The following GRK2 variants were observed in gnomAD, a reference collection of about 807,000 sequenced individuals.
The protein encoded by GRK2 is G protein-coupled receptor kinase 2, also known as adrenergic beta receptor kinase 1.
GRK2 carries 23 observed loss-of-function variants against 97.8 expected under a neutral mutation model. The observed-to-expected ratio is 0.24, with a 90% confidence interval of 0.17 to 0.33. The LOEUF is 0.33. GRK2 is among the 10% of genes least tolerant of loss of function. The probability of loss-of-function intolerance (pLI) is 1.00; values close to 1 mark genes in which losing one functional copy is unlikely to be tolerated. For synonymous variants in GRK2, 425 were observed against 381.7 expected (o/e 1.11, Z -1.32); for missense variants, 633 against 956.9 (o/e 0.66, Z 4.47).
At position 67,273,697 on chromosome 11, in the gene GRK2, AAAC is replaced by A. The variant is rs1238423247; in HGVS notation, c.114-3573_114-3571del. On this transcript the variant is annotated intron_variant, in intron 1 of 20. Coordinates refer to ENST00000308595, the MANE Select transcript of GRK2 (RefSeq NM_001619.5). ...AGGGGGGTTGTTTATTTTATTTAAA[AAAC>A]ATTTTTTTCTTTTTAAGGAAGAAAG... is the stretch of plus-strand genomic sequence containing the variant. 2.6e-5 allele frequency among the ~76,000 whole-genome samples: 4 copies of A among 152,316 alleles called. No individual in the cohort carries two copies. The East Asian group carries it at 7.7e-4, about 29-fold the overall frequency.
rs765446129 is a variant in GRK2, at chr11:67,286,427, C to T, written c.*977C>T. The T allele has an allele frequency of 2.9e-6, 2 of 699,810 alleles. No individual in the cohort carries two copies. Among genetic ancestry groups the T allele is most frequent in the South Asian group, 1.5e-5 (1 of 67,366 alleles). 43.4% of individuals were successfully genotyped at this position (699,810 alleles called of 1,614,324 possible). ...CTGTGTGGTGTCGCGCCTTCTCCCCCCCGGGGCTGGGTTGGCGCACCCTCC... is the reference window on the plus strand; with the variant it reads ...CTGTGTGGTGTCGCGCCTTCTCCCCTCCGGGGCTGGGTTGGCGCACCCTCC... On this transcript the variant is annotated 3_prime_UTR_variant, in exon 21 of 21. Coordinates refer to ENST00000308595, the MANE Select transcript of GRK2 (RefSeq NM_001619.5).
rs377194190 is a variant in GRK2 at position 67,281,226 on chromosome 11, G to A, written c.647+42G>A. 2.2e-5 allele frequency: 34 copies of A among 1,545,794 alleles called. No homozygotes were observed. The highest frequency in any genetic ancestry group is 1.4e-4 in the African/African-American group (10 of 73,474). ...GCGCGGTGGGATACCTCGGGGAGCC[G>A]GGCTCCTGGGGGACCCTGACAGGCC... On this transcript the variant is annotated intron_variant, in intron 8 of 20. Coordinates refer to ENST00000308595, the MANE Select transcript of GRK2 (RefSeq NM_001619.5). This position sits in a 1 kb window ranked among gnomAD's most constrained non-coding sequence, Gnocchi z 5.7.
rs1179406932 is a variant in GRK2 at position 67,282,033 on chromosome 11, AG to A, written c.957+83del. ...TCGACATCCCGGCCACCAGGCCCAGAGGAGTGGGGCTCCTGGGACATGGCCG... is the reference window on the plus strand; with the variant it reads ...TCGACATCCCGGCCACCAGGCCCAGAGAGTGGGGCTCCTGGGACATGGCCG... On this transcript the variant is annotated intron_variant, in intron 11 of 20. Coordinates refer to ENST00000308595, the MANE Select transcript of GRK2 (RefSeq NM_001619.5). The surrounding 1 kb of genome is among the most constrained non-coding windows in gnomAD (Gnocchi z 6.9). The A allele has an allele frequency of 1.3e-6, 2 of 1,577,874 alleles. No homozygotes were observed. Among genetic ancestry groups the A allele is most frequent in the Non-Finnish European group, 1.7e-6 (2 of 1,155,052 alleles).
Position 67,285,584 on chromosome 11 carries a change from C to CG in GRK2, c.*137dup. ...TGGCCCCAGCCTGGCCCAGCTCCCC[C>CG]GGGAGGGGCCCGCTTGCCTCGGCTC... On this transcript the variant is annotated 3_prime_UTR_variant, in exon 21 of 21. Transcript: ENST00000308595. 2 of 1,188,458 alleles carry CG rather than the reference C, an allele frequency of 1.7e-6. No homozygotes were observed. Among genetic ancestry groups the CG allele is most frequent in the South Asian group, 1.7e-5 (1 of 59,014 alleles). 73.6% of individuals were successfully genotyped at this position (1,188,458 alleles called of 1,614,324 possible).
In GRK2 at chr11:67,281,916, C is replaced by T. The variant is rs773210167; in HGVS notation, c.921C>T (p.His307=). 1.9e-6 allele frequency: 3 copies of T among 1,613,422 alleles called. No homozygotes were observed. The highest frequency in any genetic ancestry group is 1.7e-5 in the Admixed American group (1 of 60,020). ...YAAEIILGLE[H]MHNRFVVYRD... ...CCGAGATCATCCTGGGCCTGGAGCA[C>T]ATGCACAACCGCTTCGTGGTCTACC... Residue 307 remains histidine, a synonymous_variant, in exon 11 of 21, where the codon CAC becomes CAT. Transcript: ENST00000308595. The surrounding 1 kb of genome is among the most constrained non-coding windows in gnomAD (Gnocchi z 5.7).
At position 67,284,879 on chromosome 11, in the gene GRK2, G is replaced by A. The variant is rs1421145445; in HGVS notation, c.1687G>A (p.Gly563Ser). Reference sequence around the variant, plus strand: ...CCTGGGCAAGGACTGCATCATGCATGGCTACATGTCCAAGATGGGCAACCC... The same window carrying A: ...CCTGGGCAAGGACTGCATCATGCATAGCTACATGTCCAAGATGGGCAACCC... ...YALGKDCIMHGYMSKMGNPFL... is the reference protein window; with the variant it reads ...YALGKDCIMHSYMSKMGNPFL... The change falls in exon 19 of 21, where the codon GGC becomes AGC. Residue 563 changes from glycine to serine, a missense_variant. Physicochemically the swap from Gly to Ser is moderately conservative, Grantham distance 56. Transcript: ENST00000308595. 1 of 1,613,420 alleles carries A rather than the reference G, an allele frequency of 6.2e-7. No homozygotes were observed.
At position 67,285,171 on chromosome 11, in the gene GRK2, T is replaced by G. The variant is rs1860246654; in HGVS notation, c.1888T>G (p.Phe630Val). 6.2e-7 allele frequency: 1 copy of G among 1,613,378 alleles called. No homozygotes were observed. The highest frequency in any genetic ancestry group is 1.3e-5 in the African/African-American group (1 of 74,922). ...CCTCAAGATCCGCGGTGGGAAACAG[T>G]TCATTTTGCAGTGCGATGTGAGTGG... ...LLLKIRGGKQ[F>V]ILQCDSDPEL... is the part of the protein sequence containing the mutation. The change falls in exon 20 of 21, where the codon TTC becomes GTC. Residue 630 changes from phenylalanine to valine, a missense_variant. Around this residue, in one of 4 missense-constraint regions of GRK2, gnomAD observed 180 missense variants for 311.3 expected, o/e 0.58. Transcript: ENST00000308595.
chr11:67,281,226 G>C lies in GRK2; in HGVS notation c.647+42G>C. Reference sequence around the variant, plus strand: ...GCGCGGTGGGATACCTCGGGGAGCCGGGCTCCTGGGGGACCCTGACAGGCC... The same window carrying C: ...GCGCGGTGGGATACCTCGGGGAGCCCGGCTCCTGGGGGACCCTGACAGGCC... On this transcript the variant is annotated intron_variant, in intron 8 of 20. Coordinates refer to ENST00000308595, the MANE Select transcript of GRK2 (RefSeq NM_001619.5). The surrounding 1 kb of genome is among the most constrained non-coding windows in gnomAD (Gnocchi z 5.7). 6.5e-7 allele frequency: 1 copy of C among 1,545,792 alleles called. No homozygotes were observed. Among genetic ancestry groups the C allele is most frequent in the Non-Finnish European group, 8.9e-7 (1 of 1,125,848 alleles).
chr11:67,281,272 T>TG lies in GRK2; in HGVS notation c.647+89dup. ...AGGCCGGGTTCCACACAGGGCCACCTGCTGCTCCATGCACTCCTGTCTTGC... is the reference window on the plus strand; with the variant it reads ...AGGCCGGGTTCCACACAGGGCCACCTGGCTGCTCCATGCACTCCTGTCTTGC... On this transcript the variant is annotated intron_variant, in intron 8 of 20. Coordinates refer to ENST00000308595, the MANE Select transcript of GRK2 (RefSeq NM_001619.5). The surrounding 1 kb of genome is among the most constrained non-coding windows in gnomAD (Gnocchi z 5.7). 1 of 1,212,114 alleles carries TG rather than the reference T, an allele frequency of 8.3e-7. No individual in the cohort carries two copies. The highest frequency in any genetic ancestry group is 1.9e-5 in the Admixed American group (1 of 52,270). 75.1% of individuals were successfully genotyped at this position (1,212,114 alleles called of 1,614,324 possible). A position where few individuals can be genotyped will look rare whatever the true frequency, so the allele number is the denominator to read the frequency against.
Position 67,277,302 on chromosome 11 carries a change from G to A in GRK2, c.144G>A (p.Glu48=), listed in dbSNP as rs749436069. 2 of 1,613,768 alleles carry A rather than the reference G, an allele frequency of 1.2e-6. No individual in the cohort carries two copies. Among genetic ancestry groups the A allele is most frequent in the African/African-American group, 1.3e-5 (1 of 75,056 alleles). ...GCAGTGTCATGCAGAAGTACCTGGA[G>A]GACCGGGGCGAGGTGACCTTTGAGA... is the stretch of plus-strand genomic sequence containing the variant. ...SIRSVMQKYL[E]DRGEVTFEKI... is the part of the protein sequence containing the mutation. Residue 48 remains glutamate (E), a synonymous_variant, in exon 2 of 21, where the codon GAG becomes GAA. Coordinates refer to ENST00000308595, the MANE Select transcript of GRK2 (RefSeq NM_001619.5).
In GRK2 at chr11:67,269,658, G is replaced by A. The variant is rs1377652080; in HGVS notation, c.113+2846G>A. Among the ~76,000 whole-genome samples the A allele has an allele frequency of 6.6e-6, 1 of 152,234 alleles. No individual in the cohort carries two copies. Among genetic ancestry groups the A allele is most frequent in the African/African-American group, 2.4e-5 (1 of 41,462 alleles). On this transcript the variant is annotated intron_variant, in intron 1 of 20. Coordinates refer to ENST00000308595, the MANE Select transcript of GRK2 (RefSeq NM_001619.5). This position sits in a 1 kb window ranked among gnomAD's most constrained non-coding sequence, Gnocchi z 4.1. ...CACTCCAGGGTCCCGTCAGATGCAG[G>A]AGCCTGTCTTCCCCATACCCACAAG...
intron 1 of GRK2, among the ~76,000 whole-genome samples, chr11:67,274,308 G>A (rs964352813): frequency 5.9e-5 from 9 of 151,722 alleles, no homozygotes; most frequent in South Asian, 4.2e-4. Context: ...ACCGCGTCCC[G>A]CCAAGCTGGC....
chr11:67,281,191 A>T lies in GRK2; in HGVS notation c.647+7A>T. Reference sequence around the variant, plus strand: ...AGGCTGACACAGGCAAGATGTGAGCACCCTGCTCGGCGCGGTGGGATACCT... The same window carrying T: ...AGGCTGACACAGGCAAGATGTGAGCTCCCTGCTCGGCGCGGTGGGATACCT... On this transcript the variant is annotated splice_region_variant and intron_variant, in intron 8 of 20. Transcript: ENST00000308595. This position sits in a 1 kb window ranked among gnomAD's most constrained non-coding sequence, Gnocchi z 5.7. 6.2e-7 allele frequency: 1 copy of T among 1,610,562 alleles called. No individual in the cohort carries two copies. The highest frequency in any genetic ancestry group is 1.3e-5 in the African/African-American group (1 of 74,848).
chr11:67,270,444 C>T lies in GRK2; in HGVS notation c.113+3632C>T, dbSNP rs575704959. 9.2e-5 allele frequency among the ~76,000 whole-genome samples: 14 copies of T among 152,212 alleles called. No individual in the cohort carries two copies. In the South Asian group the frequency reaches 1.5e-3, roughly 16 times the overall value. ...CCCCTTTCTGGCTTCCCTGTCTCCCCAGACCCTGCCCCTGTTCCTCCGCTG... is the reference window on the plus strand; with the variant it reads ...CCCCTTTCTGGCTTCCCTGTCTCCCTAGACCCTGCCCCTGTTCCTCCGCTG... On this transcript the variant is annotated intron_variant, in intron 1 of 20. Transcript: ENST00000308595.
At chr11:67,273,571 C>G (rs1379535966) in intron 1 of GRK2, among the ~76,000 whole-genome samples, 1 of 152,220 alleles carries the variant, frequency 6.6e-6, no homozygotes, top group Non-Finnish European at 1.5e-5. Flanking sequence ...CGGCCAGACC[C>G]ATGGGAATAG....
intron 1 of GRK2, among the ~76,000 whole-genome samples, chr11:67,275,220 G>C (rs1554966793): frequency 6.6e-6 from 1 of 152,208 alleles, no homozygotes; most frequent in Non-Finnish European, 1.5e-5. Context: ...CGAGGCCCGG[G>C]AGTCCACTGC....
rs565234503 is a variant in GRK2 at position 67,277,399 on chromosome 11, A to G, written c.190+51A>G. ...CCACCGGACTTAACTTCTTGCCCCT[A>G]CCCCAGCCAGCCCAGCTGTGCTCCC... On this transcript the variant is annotated intron_variant, in intron 2 of 20. Coordinates refer to ENST00000308595, the MANE Select transcript of GRK2 (RefSeq NM_001619.5). The G allele has an allele frequency of 3.9e-6, 6 of 1,537,420 alleles. No individual in the cohort carries two copies. The Admixed American group carries it at 5.0e-5, about 13-fold the overall frequency.
intron 1 of GRK2, among the ~76,000 whole-genome samples, chr11:67,271,669 C>T (rs1859910418): frequency 6.6e-6 from 1 of 152,246 alleles, no homozygotes; most frequent in Non-Finnish European, 1.5e-5. Flanking sequence ...TGCTTTGTGG[C>T]CGACACGACG....
intron 1 of GRK2, among the ~76,000 whole-genome samples, chr11:67,273,881 G>C (rs1405902635): frequency 1.3e-5 from 2 of 151,972 alleles, no homozygotes; most frequent in Non-Finnish European, 2.9e-5. Flanking sequence ...TGCCCGGCAG[G>C]TTCCCCTGGC....
Sources: allele counts gnomAD v4.1 joint callset (sites outside exome capture counted in the v4.1 genomes callset), GRCh38; gene constraint gnomAD v4.1.1; regional missense constraint gnomAD v4.1.1; non-coding constraint Gnocchi (gnomAD v3.1); transcripts MANE v1.5; gene names NCBI Gene and HGNC (gene_info 2026-07-23, HGNC 2026-07-21).